Variants in COL28A1 observed in about 807,000 individuals in gnomAD.
COL28A1 encodes collagen type XXVIII alpha 1 chain.
Under a neutral mutation model 150.2 loss-of-function variants are expected in COL28A1, and 161 were observed. The observed-to-expected ratio is 1.07, with a 90% CI of 0.94 to 1.22. The LOEUF is 1.22. Ranked by LOEUF, COL28A1 falls within the 50% of genes most tolerant of loss-of-function variation. The probability of loss-of-function intolerance (pLI) is 0.00; values close to 1 mark genes in which losing one functional copy is unlikely to be tolerated. For missense variants in COL28A1, 1,617 were observed against 1,388.3 expected, an observed-to-expected ratio of 1.16 and a Z score of -2.62; for synonymous variants, 552 against 469.7, an observed-to-expected ratio of 1.18 and a Z score of -2.26.
intron 27 of COL28A1, among the ~76,000 whole-genome samples, chr7:7,392,587 T>G (rs1457241222): frequency 6.6e-6 from 1 of 152,172 alleles, no homozygotes; most frequent in East Asian, 1.9e-4. Flanking sequence ...TTGGTTCCAT[T>G]CTCAATGTCA....
intron 1 of COL28A1, among the ~76,000 whole-genome samples, chr7:7,534,107 C>G (rs1747899187): frequency 2.0e-5 from 3 of 152,108 alleles, no homozygotes; most frequent in Admixed American, 1.3e-4. Flanking sequence ...GGAAACAAAA[C>G]TGTTGGGTTA....
rs578165708 is a variant in COL28A1 at position 7,471,848 on chromosome 7, T to C, written c.1302+2753A>G. Among the ~76,000 whole-genome samples the C allele has an allele frequency of 4.6e-5, 7 of 152,238 alleles. No individual in the cohort carries two copies. The South Asian group carries it at 1.2e-3, about 27-fold the overall frequency. On this transcript the variant is annotated intron_variant, in intron 15 of 34. Coordinates refer to ENST00000399429, the MANE Select transcript of COL28A1 (RefSeq NM_001037763.3). ...AGGTGGAGGTTGCAGTGAACTGAGA[T>C]GGCACCACTGCACTCTGGCCTGGGC...
rs146458014 is a variant in COL28A1, at chr7:7,453,434, A to G, written c.1440+6T>C. ...TATTAAACTCCGCTCTCATTTACAA[A>G]GTTACCTTGGAACCAGGTAAGCCCT... On this transcript the variant is annotated splice_donor_region_variant and intron_variant, in intron 17 of 34. Coordinates refer to ENST00000399429, the MANE Select transcript of COL28A1 (RefSeq NM_001037763.3). The G allele has an allele frequency of 2.3e-3, 2,613 of 1,143,686 alleles. 29 individuals are homozygous for G. The highest frequency in any genetic ancestry group is 3.5e-3 in the Admixed American group (210 of 59,466). 70.8% of individuals were successfully genotyped at this position (1,143,686 alleles called of 1,614,324 possible).
chr7:7,439,844 G>A (rs544573380), intron 21 of COL28A1, among the ~76,000 whole-genome samples: 1 of 152,278 alleles, frequency 6.6e-6, no homozygotes, highest in East Asian at 1.9e-4. Flanking sequence ...ATCTGGATTT[G>A]TAATCATCCC....
chr7:7,424,906 G>A (rs1583339785), intron 25 of COL28A1, among the ~76,000 whole-genome samples: 1 of 151,858 alleles, frequency 6.6e-6, no homozygotes, highest in Non-Finnish European at 1.5e-5. Context: ...ACCTTGCAGA[G>A]TGGATAATTT....
intron 27 of COL28A1, among the ~76,000 whole-genome samples, chr7:7,415,107 TG>T (rs1783995137): frequency 6.6e-6 from 1 of 152,184 alleles, no homozygotes; most frequent in South Asian, 2.1e-4. Flanking sequence ...AAATCACTTG[TG>T]ATTGCAGCTA....
rs1583207533 is a variant in COL28A1, at chr7:7,358,270, T to G, written c.*363A>C. 6.3e-6 allele frequency: 1 copy of G among 159,186 alleles called. No homozygotes were observed. The highest frequency in any genetic ancestry group is 1.4e-5 in the Non-Finnish European group (1 of 72,950). 9.9% of individuals were successfully genotyped at this position (159,186 alleles called of 1,614,324 possible). On this transcript the variant is annotated 3_prime_UTR_variant, in exon 35 of 35. Transcript: ENST00000399429. The stretch of plus-strand genomic sequence containing the variant: ...GTGGAGGTATGGGCAGGGACAGGGG[T>G]AGGGGTTTGAGCTGACATAGTACAT...
In COL28A1 at chr7:7,456,062, G is replaced by A. The variant is rs373035715; in HGVS notation, c.1353C>T (p.Ile451=). 2.4e-5 allele frequency: 38 copies of A among 1,613,622 alleles called. No homozygotes were observed. The highest frequency in any genetic ancestry group is 6.7e-5 in the African/African-American group (5 of 74,858). Residue 451 remains isoleucine (I), a synonymous_variant, in exon 16 of 35, where the codon ATC becomes ATT. Coordinates refer to ENST00000399429, the MANE Select transcript of COL28A1 (RefSeq NM_001037763.3). ...TAATTACCTGTTCCCCTTGACTCCC[G>A]ATTCCAGGGATACCCATTGGTCCTT... ...GPQGPMGIPG[I]GSQGEQGIQG...
intron 13 of COL28A1, among the ~76,000 whole-genome samples, chr7:7,486,499 A>C (rs979885181): frequency 6.6e-6 from 1 of 152,166 alleles, no homozygotes; most frequent in Non-Finnish European, 1.5e-5. Context: ...GAGAGCAGAC[A>C]TCTTTGTCTT....
chr7:7,421,253 C>T (rs1397070108), intron 25 of COL28A1, among the ~76,000 whole-genome samples: 1 of 152,120 alleles, frequency 6.6e-6, no homozygotes, highest in African/African-American at 2.4e-5. Flanking sequence ...GAAAAGGTAA[C>T]TCTATAGAAA....
At chr7:7,349,939 A>G in the COL28A1 span, among the ~76,000 whole-genome samples, 1 of 152,122 alleles carries the variant, frequency 6.6e-6, no homozygotes. Flanking sequence ...AGTTCAGTGT[A>G]GCTGAATTGA....
intron 25 of COL28A1, chr7:7,420,220 G>A (rs575496311): frequency 7.1e-5 from 18 of 254,312 alleles, no homozygotes; most frequent in Admixed American, 1.0e-4. Context: ...AAGTAATTAC[G>A]AGTATTGTGA....
chr7:7,517,756 G>A (rs372332558), intron 7 of COL28A1, 40 bp downstream of exon 7: 1 of 1,612,054 alleles, frequency 6.2e-7, no homozygotes, highest in Non-Finnish European at 8.5e-7. Context: ...CAGTAACCTA[G>A]GATCACTTTC....
chr7:7,457,766 A>G (rs1325541974), intron 15 of COL28A1, among the ~76,000 whole-genome samples: 1 of 152,216 alleles, frequency 6.6e-6, no homozygotes. Flanking sequence ...GAGTGTTTCA[A>G]GAAGGTGAGG....
intron 3 of COL28A1, among the ~76,000 whole-genome samples, chr7:7,525,647 G>A (rs1781984952): frequency 6.6e-6 from 1 of 152,170 alleles, no homozygotes; most frequent in African/African-American, 2.4e-5. Context: ...TATGAAGGAT[G>A]CTGCATCCCT....
intron 3 of COL28A1, among the ~76,000 whole-genome samples, chr7:7,529,171 G>C (rs2006880): frequency 0.94 from 142,788 of 151,810 alleles, 67,225 homozygotes; most frequent in East Asian, 1. Context: ...CGCCTGTAAT[G>C]CCAGCTACTT....
intron 15 of COL28A1, among the ~76,000 whole-genome samples, chr7:7,460,743 G>A (rs768900272): frequency 3.3e-5 from 5 of 152,198 alleles, no homozygotes; most frequent in Non-Finnish European, 7.3e-5. Flanking sequence ...ATAATGTCTG[G>A]ATTCAAAGCT....
At chr7:7,415,583 G>T (rs536286761) in intron 27 of COL28A1, among the ~76,000 whole-genome samples, 1 of 152,310 alleles carries the variant, frequency 6.6e-6, no homozygotes, top group South Asian at 2.1e-4. Context: ...GCCCAGGCAG[G>T]AGTGCAGTGG....
intron 27 of COL28A1, among the ~76,000 whole-genome samples, chr7:7,397,901 T>C (rs1280543318): frequency 6.6e-6 from 1 of 152,218 alleles, no homozygotes; most frequent in African/African-American, 2.4e-5. Flanking sequence ...GAAGAATCCC[T>C]TCACCTGACG....
Sources: gnomAD v4.1 joint callset for allele counts (sites outside exome capture counted in the v4.1 genomes callset) on GRCh38, gnomAD v4.1.1 for gene constraint, MANE v1.5 for transcripts, NCBI Gene and HGNC (gene_info 2026-07-23, HGNC 2026-07-21) for gene names.